DENND4C: variants seen among roughly 807,000 people sequenced by gnomAD.
The protein encoded by DENND4C is DENN domain containing 4C, also known as DENN domain-containing protein 4C.
A neutral mutation model predicts 203.0 loss-of-function variants in DENND4C; 108 were observed. The ratio of observed to expected loss-of-function variants is 0.53; its 90% CI spans 0.46 to 0.62. The LOEUF is 0.62. Ranked by LOEUF, DENND4C falls within the 20% of genes least tolerant of loss-of-function variation. DENND4C has a pLI of 0.00. For synonymous variants in DENND4C, 871 were observed against 792.4 expected, an observed-to-expected ratio of 1.10 and a Z score of -1.67; for missense variants, 2,481 against 2,301.2, an observed-to-expected ratio of 1.08 and a Z score of -1.60.
Position 19,346,650 on chromosome 9 carries a change from C to G in DENND4C, c.3881C>G (p.Pro1294Arg), listed in dbSNP as rs755147579. 16 of 1,613,890 alleles carry G rather than the reference C, an allele frequency of 9.9e-6. No homozygotes were observed. The highest frequency in any genetic ancestry group is 1.3e-5 in the African/African-American group (1 of 74,896). ...GAAAGCTATATGAACCTAAAAAGTC[C>G]CCTAGGTAGTAAATCTTCTAGTATG... Reference protein sequence around the residue: ...EIESYMNLKSPLGSKSSSMEL... With the variant: ...EIESYMNLKSRLGSKSSSMEL... Residue 1294 changes from proline (P) to arginine (R), a missense_variant, in exon 23 of 33, where the codon CCC (proline) becomes CGC (arginine). Around this residue, in one of 3 missense-constraint regions of DENND4C, gnomAD observed 2,289 missense variants for 2,113.3 expected, o/e 1.08. Coordinates refer to ENST00000434457, the MANE Select transcript of DENND4C (RefSeq NM_001330640.2).
chr9:19,336,224 C>T (rs910365620), intron 18 of DENND4C, 46 bp from the exon 19 acceptor site: 2 of 1,564,536 alleles, frequency 1.3e-6, no homozygotes, highest in Non-Finnish European at 1.7e-6. Flanking sequence ...TTTTTAAAAT[C>T]AGATATTGCT....
At chr9:19,350,236 A>T (rs1026653980) in intron 23 of DENND4C, among the ~76,000 whole-genome samples, 1 of 152,210 alleles carries the variant, frequency 6.6e-6, no homozygotes, top group Non-Finnish European at 1.5e-5. Context: ...TTTATTTGAA[A>T]CAACTCATAT....
chr9:19,316,379 G>A (rs375049131), intron 10 of DENND4C, 38 bp from the exon 11 acceptor site: 8 of 1,541,256 alleles, frequency 5.2e-6, no homozygotes, highest in Non-Finnish European at 7.1e-6. Context: ...AGCAGATTAT[G>A]AATAACACAT....
intron 15 of DENND4C, among the ~76,000 whole-genome samples, 154 bp from the exon 16 acceptor site, chr9:19,327,871 TATATC>T (rs1818153466): frequency 6.6e-6 from 1 of 152,152 alleles, no homozygotes; most frequent in Non-Finnish European, 1.5e-5. Flanking sequence ...CTCTGTATGT[TATATC>T]ATTTAAAAAT....
intron 1 of DENND4C, among the ~76,000 whole-genome samples, chr9:19,235,679 C>T (rs999537279): frequency 2.2e-5 from 3 of 137,662 alleles, no homozygotes; most frequent in Non-Finnish European, 4.6e-5. Context: ...GGCGTGATCT[C>T]AGCTCACTGC....
chr9:19,237,934 C>T (rs1179951321), intron 1 of DENND4C, among the ~76,000 whole-genome samples: 1 of 152,068 alleles, frequency 6.6e-6, no homozygotes, highest in African/African-American at 2.4e-5. Context: ...GAGTAAATTA[C>T]TGCAAAGTGG....
intron 1 of DENND4C, among the ~76,000 whole-genome samples, chr9:19,232,874 C>A (rs558800564): frequency 5.9e-5 from 9 of 152,010 alleles, no homozygotes; most frequent in Non-Finnish European, 1.3e-4. Context: ...AATAAGGCAC[C>A]TTTCTTTGCT....
chr9:19,286,210 T>C (rs980173315), intron 2 of DENND4C, among the ~76,000 whole-genome samples: 1 of 152,180 alleles, frequency 6.6e-6, no homozygotes, highest in East Asian at 1.9e-4. Context: ...ATTAATCAAA[T>C]TGAAGATTGA....
intron 1 of DENND4C, among the ~76,000 whole-genome samples, chr9:19,272,600 C>T (rs1200015434): frequency 1.3e-5 from 2 of 151,882 alleles, no homozygotes; most frequent in African/African-American, 2.4e-5. Context: ...ATGGGATATC[C>T]ATATGTAAAA....
Position 19,358,379 on chromosome 9 carries a change from A to G in DENND4C, c.5160+219A>G, listed in dbSNP as rs1039556204. Among the ~76,000 whole-genome samples, 3 of 152,158 alleles carry G rather than the reference A, an allele frequency of 2.0e-5. No homozygotes were observed. The highest frequency in any genetic ancestry group is 4.4e-5 in the Non-Finnish European group (3 of 68,004). Reference sequence around the variant, plus strand: ...ATCTAGCTTCAGTTATTTTCAGTTTATGGCATTCTTCTTTTATGTATATTC... The same window carrying G: ...ATCTAGCTTCAGTTATTTTCAGTTTGTGGCATTCTTCTTTTATGTATATTC... On this transcript the variant is annotated intron_variant, in intron 28 of 32. Transcript: ENST00000434457. The surrounding 1 kb of genome is among the most constrained non-coding windows in gnomAD (Gnocchi z 4.8).
Position 19,305,306 on chromosome 9 carries a change from A to G in DENND4C, c.1312-46A>G, listed in dbSNP as rs140468194. The stretch of plus-strand genomic sequence containing the variant: ...AATACTAGTTACTTATATATTTTTT[A>G]TTGCAAATTTAAAATTTGGTTAATT... On this transcript the variant is annotated intron_variant, in intron 9 of 32. Transcript: ENST00000434457. 14,964 of 1,533,002 alleles carry G rather than the reference A, an allele frequency of 9.8e-3. 107 individuals carry two copies. Among genetic ancestry groups the G allele is most frequent in the Non-Finnish European group, 0.012 (13,426 of 1,128,506 alleles). 95.0% of individuals were successfully genotyped at this position (1,533,002 alleles called of 1,614,324 possible).
intron 16 of DENND4C, among the ~76,000 whole-genome samples, chr9:19,331,515 T>C (rs906269283): frequency 6.6e-6 from 1 of 152,130 alleles, no homozygotes; most frequent in Non-Finnish European, 1.5e-5. Flanking sequence ...ACAGGTCTTT[T>C]TTAAGGAGTC....
Position 19,355,902 on chromosome 9 carries a change from ATGTCCTTTAACAC to A in DENND4C, c.4782-1069_4782-1057del, listed in dbSNP as rs1286422138. On this transcript the variant is annotated intron_variant, in intron 26 of 32. Transcript: ENST00000434457. ...TGTATTTTTTTTCAGATCTTCTTTT[ATGTCCTTTAACAC>A]AGGTTTAAATTATTCTCCATAAGTC... Among the ~76,000 whole-genome samples, 4 of 151,930 alleles carry A rather than the reference ATGTCCTTTAACAC, an allele frequency of 2.6e-5. No individual in the cohort carries two copies. The East Asian group carries it at 7.7e-4, about 29-fold the overall frequency.
intron 9 of DENND4C, among the ~76,000 whole-genome samples, chr9:19,300,533 T>C (rs1838344544): frequency 6.6e-6 from 1 of 152,232 alleles, no homozygotes; most frequent in Non-Finnish European, 1.5e-5. Flanking sequence ...AGGTGATTTC[T>C]ATTTTAGGAA....
intron 16 of DENND4C, among the ~76,000 whole-genome samples, chr9:19,331,177 A>G (rs980376762): frequency 4.6e-5 from 7 of 152,062 alleles, no homozygotes; most frequent in African/African-American, 1.7e-4. Flanking sequence ...ACTATTAGGA[A>G]AGTTTATGTT....
chr9:19,276,133 GGT>G, intron 1 of DENND4C, 23 bp from the exon 2 acceptor site: 2 of 1,147,720 alleles, frequency 1.7e-6, no homozygotes, highest in Non-Finnish European at 2.2e-6. Context: ...TTATTTTATT[GGT>G]ATCTTTCCCC....
chr9:19,316,870 A>G (rs374833699), intron 12 of DENND4C, 31 bp downstream of exon 12: 1 of 1,541,460 alleles, frequency 6.5e-7, no homozygotes, highest in African/African-American at 1.4e-5. Context: ...AATTCCTTTT[A>G]TTGAGGTGAA....
intron 9 of DENND4C, among the ~76,000 whole-genome samples, chr9:19,304,164 C>G (rs939674042): frequency 1.3e-4 from 19 of 143,616 alleles, no homozygotes; most frequent in African/African-American, 4.3e-4. Flanking sequence ...CTTATCATGT[C>G]TAGATAGAGG....
chr9:19,370,589 C>T lies in DENND4C; in HGVS notation c.5675+602C>T, dbSNP rs796318097. ...ATATTTATTAACATTGATAAACTTA[C>T]GTACCACTTATTCAGGGCCTGTGAT... On this transcript the variant is annotated intron_variant, in intron 31 of 32. Coordinates refer to ENST00000434457, the MANE Select transcript of DENND4C (RefSeq NM_001330640.2). Among the ~76,000 whole-genome samples the T allele has an allele frequency of 1.2e-4, 19 of 152,278 alleles. 1 individual carries two copies. Among genetic ancestry groups the T allele is most frequent in the African/African-American group, 4.1e-4 (17 of 41,562 alleles).
Sources: gnomAD v4.1 joint callset for allele counts (sites outside exome capture counted in the v4.1 genomes callset) on GRCh38, gnomAD v4.1.1 for gene constraint, gnomAD v4.1.1 regional missense constraint, Gnocchi (gnomAD v3.1) non-coding constraint, MANE v1.5 for transcripts, NCBI Gene and HGNC (gene_info 2026-07-23, HGNC 2026-07-21) for gene names.